FARP2: variants seen among roughly 807,000 people sequenced by gnomAD.
The protein encoded by FARP2 is FERM, ARHGEF and pleckstrin domain-containing protein 2.
A neutral mutation model predicts 130.5 loss-of-function variants in FARP2; 111 were observed. The observed-to-expected ratio is 0.85, with a 90% CI of 0.73 to 1.00. The LOEUF is 1.00. FARP2 is among the 50% of genes least tolerant of loss of function. The pLI, the probability that FARP2 is intolerant of heterozygous loss-of-function variation, is 0.00. For missense variants in FARP2, 1,385 were observed against 1,346.3 expected, an observed-to-expected ratio of 1.03 and a Z score of -0.45; for synonymous variants, 504 against 516.9, an observed-to-expected ratio of 0.98 and a Z score of 0.34.
intron 11 of FARP2, 140 bp downstream of exon 11, chr2:241,435,170 T>G (rs1448583778): frequency 9.8e-6 from 5 of 510,462 alleles, no homozygotes; most frequent in Non-Finnish European, 1.7e-5. Context: ...CACGGCTCAC[T>G]GCAGCTTCAG....
chr2:241,490,448 C>G (rs1427484723), intron 22 of FARP2, among the ~76,000 whole-genome samples: 2 of 99,094 alleles, frequency 2.0e-5, no homozygotes, highest in Admixed American at 1.8e-4. Context: ...TTACACCCAG[C>G]CCAGCCAAAC....
chr2:241,422,474 C>T (rs7608676), intron 8 of FARP2, among the ~76,000 whole-genome samples: 28,877 of 151,566 alleles, frequency 0.19, 3,086 homozygotes, highest in Middle Eastern at 0.35. Context: ...AGGTCAGCAA[C>T]CTCAAAGATC....
intron 1 of FARP2, among the ~76,000 whole-genome samples, chr2:241,363,528 G>T (rs1022229774): frequency 5.9e-5 from 9 of 152,268 alleles, no homozygotes; most frequent in Non-Finnish European, 1.0e-4. Context: ...GTGACCCCAT[G>T]AAGTTGTTAG....
intron 24 of FARP2, 66 bp from the exon 25 acceptor site, chr2:241,492,863 C>G: frequency 2.2e-6 from 2 of 924,074 alleles, no homozygotes; most frequent in Non-Finnish European, 3.6e-6. Context: ...TCTTGGGGAG[C>G]AAACCCACTC....
intron 8 of FARP2, among the ~76,000 whole-genome samples, chr2:241,429,768 CG>C (rs1332421331): frequency 6.6e-6 from 1 of 152,044 alleles, no homozygotes; most frequent in Non-Finnish European, 1.5e-5. Flanking sequence ...GCCTTTAACT[CG>C]TTAAACAAGA....
chr2:241,436,014 G>A (rs62190366), intron 11 of FARP2, among the ~76,000 whole-genome samples: 27,719 of 144,588 alleles, frequency 0.19, 2,809 homozygotes, highest in East Asian at 0.41. Context: ...CTGGGTTCAC[G>A]CCATTCTCTT....
At chr2:241,478,374 G>A (rs2064527644) in intron 19 of FARP2, 1 of 216,166 alleles carries the variant, frequency 4.6e-6, no homozygotes, top group Non-Finnish European at 9.2e-6. Context: ...GGGGCGACCT[G>A]TGCTGCTGCA....
At chr2:241,473,318 T>C (rs2064367915) in intron 18 of FARP2, among the ~76,000 whole-genome samples, 1 of 151,968 alleles carries the variant, frequency 6.6e-6, no homozygotes. Context: ...AGGTACCCTC[T>C]TCTGAGGGGA....
At chr2:241,428,086 ACT>A (rs2062999967) in intron 8 of FARP2, among the ~76,000 whole-genome samples, 1 of 151,344 alleles carries the variant, frequency 6.6e-6, no homozygotes, top group South Asian at 2.1e-4. Flanking sequence ...GTTTTTTAAG[ACT>A]CTGTCCTGGA....
At chr2:241,399,291 C>G (rs2150341245) in intron 2 of FARP2, among the ~76,000 whole-genome samples, 1 of 152,210 alleles carries the variant, frequency 6.6e-6, no homozygotes, top group Admixed American at 6.5e-5. Flanking sequence ...ATGTTGACTA[C>G]AAGACCTTTG....
intron 8 of FARP2, among the ~76,000 whole-genome samples, chr2:241,428,365 G>A (rs1398584864): frequency 6.6e-6 from 1 of 150,812 alleles, no homozygotes; most frequent in African/African-American, 2.4e-5. Context: ...CTGCTGAGTA[G>A]CTAGGATTAC....
At chr2:241,430,276 T>C (rs568582245) in intron 8 of FARP2, among the ~76,000 whole-genome samples, 3 of 152,238 alleles carry the variant, frequency 2.0e-5, no homozygotes, top group Admixed American at 6.5e-5. Context: ...GAATAAGACA[T>C]GCCAGGCTTG....
intron 8 of FARP2, among the ~76,000 whole-genome samples, chr2:241,431,372 G>C (rs116660098): frequency 6.6e-6 from 1 of 151,772 alleles, no homozygotes; most frequent in Non-Finnish European, 1.5e-5. Context: ...CTGCTCCAGA[G>C]GCTGAGGCAG....
At chr2:241,452,537 G>A (rs923799002) in intron 13 of FARP2, among the ~76,000 whole-genome samples, 3 of 152,140 alleles carry the variant, frequency 2.0e-5, no homozygotes. Flanking sequence ...GCACAGTGGT[G>A]CATGCCTGTA....
At chr2:241,451,474 A>C (rs2063655704) in intron 13 of FARP2, among the ~76,000 whole-genome samples, 1 of 152,176 alleles carries the variant, frequency 6.6e-6, no homozygotes, top group Non-Finnish European at 1.5e-5. Context: ...GTCTATGGGT[A>C]AAGAAATCAG....
rs1285883203 is a variant in FARP2 at position 241,422,407 on chromosome 2, A to AG, written c.771+4298_771+4299insG. 1.3e-5 allele frequency among the ~76,000 whole-genome samples: 2 copies of AG among 152,120 alleles called. 1 individual carries two copies. Among genetic ancestry groups the AG allele is most frequent in the Admixed American group, 1.3e-4 (2 of 15,276 alleles). On this transcript the variant is annotated intron_variant, in intron 8 of 26. Transcript: ENST00000264042. Reference sequence around the variant, plus strand: ...GACAAAGTGAGACCCTGTATCAAAAAAAAAAACAGAAAACAACAACAACAT... The same window carrying AG: ...GACAAAGTGAGACCCTGTATCAAAAAGAAAAAACAGAAAACAACAACAACAT...
At chr2:241,462,658 C>G (rs757438037) in intron 15 of FARP2, 46 bp downstream of exon 15, 2 of 1,188,662 alleles carry the variant, frequency 1.7e-6, no homozygotes, top group Non-Finnish European at 1.3e-6. Context: ...AAATAAATCT[C>G]TCATCTGAAC....
Position 241,475,611 on chromosome 2 carries a change from A to C in FARP2, c.2132-246A>C, listed in dbSNP as rs1343901443. 6.6e-6 allele frequency among the ~76,000 whole-genome samples: 1 copy of C among 152,168 alleles called. No individual in the cohort carries two copies. Among genetic ancestry groups the C allele is most frequent in the South Asian group, 2.1e-4 (1 of 4,830 alleles). On this transcript the variant is annotated intron_variant, in intron 18 of 26. Coordinates refer to ENST00000264042, the MANE Select transcript of FARP2 (RefSeq NM_014808.4). This position sits in a 1 kb window ranked among gnomAD's most constrained non-coding sequence, Gnocchi z 4.4. ...GTGAGAATCTAACAAATGCCTGATG[A>C]TCTGAGGTGGAACAGTTTCATCCCC...
chr2:241,406,640 G>A (rs1317506393), intron 4 of FARP2, among the ~76,000 whole-genome samples: 1 of 151,614 alleles, frequency 6.6e-6, no homozygotes, highest in Non-Finnish European at 1.5e-5. Flanking sequence ...GGGGGAGAGG[G>A]GCGGGTAGAG....
Sources: gnomAD v4.1 joint callset for allele counts (sites outside exome capture counted in the v4.1 genomes callset) on GRCh38, gnomAD v4.1.1 for gene constraint, Gnocchi (gnomAD v3.1) non-coding constraint, MANE v1.5 for transcripts, NCBI Gene and HGNC (gene_info 2026-07-23, HGNC 2026-07-21) for gene names.